SPATA6: variants seen among roughly 807,000 people sequenced by gnomAD.
SPATA6 encodes the protein spermatogenesis-associated protein 6.
In SPATA6, 56 loss-of-function variants were observed where a neutral mutation model predicts 65.3. That is an observed-to-expected ratio of 0.86 (90% CI 0.69 to 1.07). The LOEUF is 1.07. Ranked by LOEUF, SPATA6 falls within the 50% of genes least tolerant of loss-of-function variation. The pLI is 0.00. For missense variants in SPATA6, 590 were observed against 594.8 expected (o/e 0.99, Z 0.08); for synonymous variants, 199 against 213.2 (o/e 0.93, Z 0.58).
At chr1:48,369,105 C>T (rs910143187) in intron 9 of SPATA6, among the ~76,000 whole-genome samples, 3 of 152,134 alleles carry the variant, frequency 2.0e-5, no homozygotes, top group South Asian at 2.1e-4. Context: ...TGCAGAACAG[C>T]GGATTTTCGT....
chr1:48,320,378 G>A (rs1270861435), intron 11 of SPATA6, among the ~76,000 whole-genome samples: 2 of 152,102 alleles, frequency 1.3e-5, no homozygotes, highest in Admixed American at 6.6e-5. Context: ...AGAAAAACAA[G>A]TAACACACAA....
chr1:48,385,660 T>G (rs1248591251), intron 8 of SPATA6, among the ~76,000 whole-genome samples: 1 of 152,172 alleles, frequency 6.6e-6, no homozygotes, highest in Non-Finnish European at 1.5e-5. Context: ...TAGTTGATAA[T>G]CAATTTATGA....
chr1:48,333,647 G>A (rs1486125748), intron 11 of SPATA6, among the ~76,000 whole-genome samples: 1 of 152,212 alleles, frequency 6.6e-6, no homozygotes, highest in East Asian at 1.9e-4. Context: ...AGCTGAGGCA[G>A]TGTTAAGAGG....
chr1:48,344,015 A>G (rs1224965523), intron 11 of SPATA6, among the ~76,000 whole-genome samples: 1 of 152,186 alleles, frequency 6.6e-6, no homozygotes, highest in African/African-American at 2.4e-5. Context: ...CAATAGGTTT[A>G]TACCCAAATA....
At chr1:48,399,209 C>A in intron 7 of SPATA6, 142 bp downstream of exon 7, 1 of 961,394 alleles carries the variant, frequency 1.0e-6, no homozygotes. Flanking sequence ...AATTAATTTC[C>A]CATCTTAGAC....
At chr1:48,305,056 A>C (rs1380659130) in intron 12 of SPATA6, among the ~76,000 whole-genome samples, 1 of 152,190 alleles carries the variant, frequency 6.6e-6, no homozygotes, top group Non-Finnish European at 1.5e-5. Flanking sequence ...TCACACTCCC[A>C]CTTATAGTCT....
At chr1:48,343,798 G>A (rs953098924) in intron 11 of SPATA6, among the ~76,000 whole-genome samples, 3 of 152,098 alleles carry the variant, frequency 2.0e-5, no homozygotes, top group Admixed American at 1.3e-4. Context: ...ACATTGTTAA[G>A]TCAGAAGAGG....
chr1:48,328,722 G>C (rs545737244), intron 11 of SPATA6, among the ~76,000 whole-genome samples: 1 of 152,210 alleles, frequency 6.6e-6, no homozygotes, highest in East Asian at 1.9e-4. Context: ...ATTGAACTGT[G>C]TACTTAAAAT....
chr1:48,411,911 T>G (rs911093678), intron 4 of SPATA6, among the ~76,000 whole-genome samples: 4 of 152,052 alleles, frequency 2.6e-5, no homozygotes, highest in Non-Finnish European at 5.9e-5. Flanking sequence ...TTGCCCAGGC[T>G]GGAGTGCAAT....
chr1:48,325,845 G>C (rs569294515), intron 11 of SPATA6: 76 of 417,572 alleles, frequency 1.8e-4, no homozygotes, highest in Non-Finnish European at 3.2e-4. Context: ...CCAAGAAAGT[G>C]CTGTGTGTAC....
At chr1:48,420,254 C>T (rs879496625) in intron 3 of SPATA6, among the ~76,000 whole-genome samples, 1 of 152,198 alleles carries the variant, frequency 6.6e-6, no homozygotes, top group Admixed American at 6.5e-5. Context: ...GCCCCTTCTA[C>T]TATACGTCAT....
At chr1:48,317,957 C>T (rs1645487696) in intron 11 of SPATA6, among the ~76,000 whole-genome samples, 1 of 152,106 alleles carries the variant, frequency 6.6e-6, no homozygotes, top group South Asian at 2.1e-4. Context: ...GAATTATACA[C>T]CACAACCAAC....
At chr1:48,268,643 T>C in the SPATA6 span, among the ~76,000 whole-genome samples, 3 of 152,210 alleles carry the variant, frequency 2.0e-5, no homozygotes, top group African/African-American at 7.2e-5. Flanking sequence ...GTTTTAAAAA[T>C]ACTACCTTAA....
At chr1:48,283,724 A>AGAAAGAAAGAAAGAAAGAAT in the SPATA6 span, among the ~76,000 whole-genome samples, 1 of 148,784 alleles carries the variant, frequency 6.7e-6, no homozygotes, top group South Asian at 2.1e-4. Flanking sequence ...AAAGAAAGAA[A>AGAAAGAAAGAAAGAAAGAAT]ATTCTTTTCT....
chr1:48,436,122 C>T, intron 3 of SPATA6: 1 of 1,610,150 alleles, frequency 6.2e-7, no homozygotes, highest in Non-Finnish European at 8.5e-7. Flanking sequence ...TACTATGTTC[C>T]ACCAACGTTT....
At chr1:48,449,109 G>A (rs181935256) in intron 3 of SPATA6, among the ~76,000 whole-genome samples, 1 of 152,204 alleles carries the variant, frequency 6.6e-6, no homozygotes, top group East Asian at 1.9e-4. Context: ...TTTCTTCTAG[G>A]AACTATATTT....
intron 11 of SPATA6, among the ~76,000 whole-genome samples, chr1:48,335,740 G>A (rs1646042182): frequency 6.6e-6 from 1 of 152,028 alleles, no homozygotes; most frequent in Non-Finnish European, 1.5e-5. Context: ...TCTCATGACA[G>A]AAAATGTCCA....
At chr1:48,279,877 A>G in the SPATA6 span, among the ~76,000 whole-genome samples, 1 of 152,232 alleles carries the variant, frequency 6.6e-6, no homozygotes, top group South Asian at 2.1e-4. Context: ...AACAGAATAT[A>G]CATTCTTTTC....
chr1:48,315,815 T>C, intron 11 of SPATA6, among the ~76,000 whole-genome samples: 1 of 152,188 alleles, frequency 6.6e-6, no homozygotes, highest in East Asian at 1.9e-4. Flanking sequence ...CAAAATCTCC[T>C]TAAGCTGATA....
Sources: allele counts gnomAD v4.1 joint callset (sites outside exome capture counted in the v4.1 genomes callset), GRCh38; gene constraint gnomAD v4.1.1; transcripts MANE v1.5; gene names NCBI Gene and HGNC (gene_info 2026-07-23, HGNC 2026-07-21).